TSHZ2: variants seen among roughly 807,000 people sequenced by gnomAD.
The protein encoded by TSHZ2 is teashirt homolog 2.
Under a neutral mutation model 74.4 loss-of-function variants are expected in TSHZ2, and 21 were observed. That is an observed-to-expected ratio of 0.28 (90% CI 0.20 to 0.41). The LOEUF is 0.41. TSHZ2 is among the 10% of genes least tolerant of loss of function. The pLI, the probability that TSHZ2 is intolerant of heterozygous loss-of-function variation, is 1.00. For missense variants in TSHZ2, 1,244 were observed against 1,293.5 expected (o/e 0.96, Z 0.59); for synonymous variants, 540 against 515.3 (o/e 1.05, Z -0.65).
chr20:53,026,365 T>C (rs906127978), intron 1 of TSHZ2, among the ~76,000 whole-genome samples: 2 of 151,876 alleles, frequency 1.3e-5, no homozygotes, highest in African/African-American at 4.8e-5. Flanking sequence ...TTTTTTTTTT[T>C]TCTCTGAGAC....
At position 53,380,927 on chromosome 20, in the gene TSHZ2, T is replaced by C. The variant is rs541074726; in HGVS notation, c.*9-106217T>C. Among the ~76,000 whole-genome samples, 5 of 152,228 alleles carry C rather than the reference T, an allele frequency of 3.3e-5. No individual in the cohort carries two copies. The South Asian group carries it at 1.0e-3, about 32-fold the overall frequency. Reference sequence around the variant, plus strand: ...AAACTAGAAACCACGTATAAGAAAATAGATACTATAGTAATGACTATGCTG... The same window carrying C: ...AAACTAGAAACCACGTATAAGAAAACAGATACTATAGTAATGACTATGCTG... On this transcript the variant is annotated intron_variant, in intron 2 of 2. Coordinates refer to ENST00000371497, the MANE Select transcript of TSHZ2 (RefSeq NM_173485.6).
intron 2 of TSHZ2, chr20:53,455,423 T>C (rs910495605): frequency 3.3e-5 from 5 of 152,200 alleles, no homozygotes; most frequent in African/African-American, 7.2e-5. Flanking sequence ...CAATATTTAC[T>C]GAAGGAATCT....
At chr20:53,109,095 A>G (rs1263628880) in intron 1 of TSHZ2, among the ~76,000 whole-genome samples, 1 of 151,996 alleles carries the variant, frequency 6.6e-6, no homozygotes, top group Non-Finnish European at 1.5e-5. Context: ...TCCTCTCTCC[A>G]TACAAACATT....
At chr20:52,978,266 G>A (rs1440658312) in intron 1 of TSHZ2, among the ~76,000 whole-genome samples, 1 of 152,162 alleles carries the variant, frequency 6.6e-6, no homozygotes, top group Non-Finnish European at 1.5e-5. Flanking sequence ...ATTTTTTAAA[G>A]CCATTGAAAT....
At chr20:53,406,608 G>C (rs1436443610) in intron 2 of TSHZ2, among the ~76,000 whole-genome samples, 1 of 152,124 alleles carries the variant, frequency 6.6e-6, no homozygotes, top group Non-Finnish European at 1.5e-5. Flanking sequence ...AATTCCTCCT[G>C]ACCATTTCTT....
intron 1 of TSHZ2, among the ~76,000 whole-genome samples, chr20:53,226,239 G>A (rs1989685004): frequency 6.6e-6 from 1 of 151,964 alleles, no homozygotes; most frequent in Admixed American, 6.6e-5. Flanking sequence ...CTAGGATTTG[G>A]GTCTCAGCCT....
At chr20:53,269,806 AAG>A (rs1491120619) in intron 2 of TSHZ2, among the ~76,000 whole-genome samples, 46 of 151,936 alleles carry the variant, frequency 3.0e-4, no homozygotes, top group African/African-American at 7.8e-4. Flanking sequence ...ATAAAAAAAA[AAG>A]AAAAGAAAAT....
At chr20:52,978,835 A>G (rs1346762791) in intron 1 of TSHZ2, among the ~76,000 whole-genome samples, 1 of 152,174 alleles carries the variant, frequency 6.6e-6, no homozygotes, top group Non-Finnish European at 1.5e-5. Flanking sequence ...ATAAATACAG[A>G]CTATCTTTTA....
chr20:53,022,299 T>A (rs747253605), intron 1 of TSHZ2, among the ~76,000 whole-genome samples: 3 of 152,214 alleles, frequency 2.0e-5, no homozygotes, highest in Non-Finnish European at 2.9e-5. Context: ...AACACAGATC[T>A]CCGGTGTTAA....
chr20:53,136,863 T>C (rs1987258013), intron 1 of TSHZ2, among the ~76,000 whole-genome samples: 1 of 152,198 alleles, frequency 6.6e-6, no homozygotes, highest in Admixed American at 6.5e-5. Flanking sequence ...TTCATTTTTT[T>C]TTCTACCTGA....
chr20:53,026,103 G>A (rs1423835474), intron 1 of TSHZ2, among the ~76,000 whole-genome samples: 1 of 152,052 alleles, frequency 6.6e-6, no homozygotes, highest in Non-Finnish European at 1.5e-5. Flanking sequence ...TGAAACCAAA[G>A]CTTCCTCTTC....
chr20:53,095,311 C>T (rs1986005267), intron 1 of TSHZ2, among the ~76,000 whole-genome samples: 1 of 152,164 alleles, frequency 6.6e-6, no homozygotes, highest in Non-Finnish European at 1.5e-5. Context: ...ACAGAGCTGG[C>T]CTCTGTCTCA....
chr20:53,196,756 A>T (rs1301204616), intron 1 of TSHZ2, among the ~76,000 whole-genome samples: 3 of 152,220 alleles, frequency 2.0e-5, no homozygotes, highest in Non-Finnish European at 4.4e-5. Context: ...CTAGAATTCC[A>T]GGTATTTCTA....
At chr20:53,314,944 T>C (rs1978939100) in intron 2 of TSHZ2, among the ~76,000 whole-genome samples, 1 of 152,096 alleles carries the variant, frequency 6.6e-6, no homozygotes, top group Non-Finnish European at 1.5e-5. Flanking sequence ...TTTTGCAACA[T>C]GAAGGCAGGC....
chr20:53,166,350 G>GC (rs1988062438), intron 1 of TSHZ2, among the ~76,000 whole-genome samples: 1 of 152,154 alleles, frequency 6.6e-6, no homozygotes, highest in Non-Finnish European at 1.5e-5. Context: ...GGGCATGATG[G>GC]CTTACACCTG....
intron 1 of TSHZ2, among the ~76,000 whole-genome samples, chr20:52,996,712 T>C (rs1335021796): frequency 6.6e-6 from 1 of 152,222 alleles, no homozygotes; most frequent in East Asian, 1.9e-4. Context: ...TCTTGCATAG[T>C]GGTGTTTCTA....
At chr20:53,173,564 C>T (rs6097273) in intron 1 of TSHZ2, among the ~76,000 whole-genome samples, 6,257 of 152,140 alleles carry the variant, frequency 0.041, 256 homozygotes, top group African/African-American at 0.1. Context: ...GCCGACGTAG[C>T]GCCACTGCAC....
intron 2 of TSHZ2, among the ~76,000 whole-genome samples, chr20:53,386,056 C>T (rs977643406): frequency 3.3e-5 from 5 of 152,204 alleles, no homozygotes; most frequent in Non-Finnish European, 7.3e-5. Flanking sequence ...CCTGGCTCCT[C>T]CACTGGAGAA....
At position 53,083,855 on chromosome 20, in the gene TSHZ2, T is replaced by C. The variant is rs563886755; in HGVS notation, c.40+110522T>C. Among the ~76,000 whole-genome samples, 9 of 152,340 alleles carry C rather than the reference T, an allele frequency of 5.9e-5. No homozygotes were observed. In the South Asian group the frequency reaches 6.2e-4, roughly 11 times the overall value. On this transcript the variant is annotated intron_variant, in intron 1 of 2. Coordinates refer to ENST00000371497, the MANE Select transcript of TSHZ2 (RefSeq NM_173485.6). The stretch of plus-strand genomic sequence containing the variant: ...GAATGTCTATTTTTTTTATAAGTTT[T>C]CTTCCCTTTCTATGTGAATTTTTTT...
Sources: allele counts gnomAD v4.1 joint callset (sites outside exome capture counted in the v4.1 genomes callset), GRCh38; gene constraint gnomAD v4.1.1; transcripts MANE v1.5; gene names NCBI Gene and HGNC (gene_info 2026-07-23, HGNC 2026-07-21).